Variants in MAP7 observed in about 807,000 individuals in gnomAD.
MAP7 encodes microtubule associated protein 7.
A neutral mutation model predicts 94.8 loss-of-function variants in MAP7; 52 were observed. The observed-to-expected ratio is 0.55, with a 90% CI of 0.44 to 0.69. The LOEUF is 0.69. Ranked by LOEUF, MAP7 falls within the 30% of genes least tolerant of loss-of-function variation. The probability of loss-of-function intolerance (pLI) is 0.00; values close to 1 mark genes in which losing one functional copy is unlikely to be tolerated. For missense variants in MAP7, 940 were observed against 964.6 expected (o/e 0.97, Z 0.34); for synonymous variants, 350 against 357.0 (o/e 0.98, Z 0.22).
At chr6:136,467,876 G>T (rs956682816) in intron 1 of MAP7, among the ~76,000 whole-genome samples, 2 of 152,276 alleles carry the variant, frequency 1.3e-5, no homozygotes, top group African/African-American at 4.8e-5. Flanking sequence ...AACCTGCCAA[G>T]CCCCTCTGAA....
intron 1 of MAP7, among the ~76,000 whole-genome samples, chr6:136,454,693 C>T (rs1802311924): frequency 6.6e-6 from 1 of 151,810 alleles, no homozygotes; most frequent in African/African-American, 2.4e-5. Flanking sequence ...CCACTTGAGC[C>T]CAGGAGTTCA....
chr6:136,550,378 G>A lies in MAP7; in HGVS notation c.31C>T (p.His11Tyr). MAELGAGGDG[H>Y]RGGDGAVRSE... is the part of the protein sequence containing the mutation. The stretch of plus-strand genomic sequence containing the variant: ...CGCACTGCGCCGTCGCCGCCCCTGT[G>A]GCCGTCGCCGCCAGCTCCTAGCTCC... The change falls in exon 1 of 18, where the codon CAC (histidine) becomes TAC (tyrosine). Residue 11 changes from histidine to tyrosine, a missense_variant. His to Tyr is a moderately conservative substitution (Grantham distance 83). Transcript: ENST00000354570. The surrounding 1 kb of genome is among the most constrained non-coding windows in gnomAD (Gnocchi z 5.1). 6.5e-7 allele frequency: 1 copy of A among 1,529,760 alleles called. No individual in the cohort carries two copies. Among genetic ancestry groups the A allele is most frequent in the Non-Finnish European group, 8.7e-7 (1 of 1,146,738 alleles). 94.8% of individuals were successfully genotyped at this position (1,529,760 alleles called of 1,614,324 possible).
chr6:136,355,119 G>A (rs1310608057), intron 16 of MAP7, among the ~76,000 whole-genome samples: 1 of 152,016 alleles, frequency 6.6e-6, no homozygotes, highest in African/African-American at 2.4e-5. Context: ...AGGTTGCAGT[G>A]AGCCAAGATA....
chr6:136,505,827 G>A (rs1463642097), intron 1 of MAP7, among the ~76,000 whole-genome samples: 4 of 152,102 alleles, frequency 2.6e-5, no homozygotes, highest in Non-Finnish European at 5.9e-5. Context: ...TTACTGGCAA[G>A]TAGCAAAAAT....
At chr6:136,399,365 G>T (rs947207634) in intron 3 of MAP7, among the ~76,000 whole-genome samples, 3 of 152,072 alleles carry the variant, frequency 2.0e-5, no homozygotes, top group Non-Finnish European at 4.4e-5. Context: ...TTTTTGGTGA[G>T]ACAGGGTTTT....
At position 136,377,819 on chromosome 6, in the gene MAP7, G is replaced by A. The variant is rs1444362042; in HGVS notation, c.687C>T (p.Leu229=). The A allele has an allele frequency of 5.0e-6, 8 of 1,614,010 alleles. No individual in the cohort carries two copies. The highest frequency in any genetic ancestry group is 5.1e-6 in the Non-Finnish European group (6 of 1,180,014). The change falls in exon 7 of 18, where the codon CTC becomes CTT. Residue 229 remains leucine (L), a synonymous_variant. Coordinates refer to ENST00000354570, the MANE Select transcript of MAP7 (RefSeq NM_003980.6). ...CCAGGAACGAATGTGTGGGCGTCAG[G>A]AGTCTGTTAACAACGCTGCTCTCCC... The part of the protein sequence containing the change: ...SPWESSVVNR[L]LTPTHSFLAR...
rs1794317413 is a variant in MAP7 at position 136,366,344 on chromosome 6, T to C, written c.972A>G (p.Pro324=). Residue 324 remains proline (P), a synonymous_variant, in exon 9 of 18, where the codon CCA becomes CCG. Coordinates refer to ENST00000354570, the MANE Select transcript of MAP7 (RefSeq NM_003980.6). The part of the protein sequence containing the change: ...VSPSNPKARQ[P]ARSRLWLPSK... ...TCACTTACCAAAGTCGGGAGCGAGCTGGTTGTCTTGCTTTGGGATTAGATG... is the reference window on the plus strand; with the variant it reads ...TCACTTACCAAAGTCGGGAGCGAGCCGGTTGTCTTGCTTTGGGATTAGATG... The C allele has an allele frequency of 1.2e-6, 2 of 1,613,946 alleles. No individual in the cohort carries two copies. The highest frequency in any genetic ancestry group is 2.2e-5 in the South Asian group (2 of 91,082).
chr6:136,378,005 T>C (rs1427099666), intron 6 of MAP7, 137 bp from the exon 7 acceptor site: 1 of 565,304 alleles, frequency 1.8e-6, no homozygotes, highest in Non-Finnish European at 3.2e-6. Context: ...TGGCCAAGAG[T>C]CAGGGCAACA....
intron 1 of MAP7, among the ~76,000 whole-genome samples, chr6:136,482,802 C>T (rs1460426616): frequency 6.6e-6 from 1 of 152,030 alleles, no homozygotes; most frequent in Non-Finnish European, 1.5e-5. Flanking sequence ...GATGATAGAT[C>T]GATTTGGCAG....
At chr6:136,420,941 T>A (rs577395215) in intron 2 of MAP7, among the ~76,000 whole-genome samples, 1 of 152,214 alleles carries the variant, frequency 6.6e-6, no homozygotes, top group Non-Finnish European at 1.5e-5. Flanking sequence ...CAGTCCTGGA[T>A]GCAGCATGAA....
rs1050529597 is a variant in MAP7 at position 136,530,702 on chromosome 6, AG to A, written c.67+19639del. ...CATCTTGCAGCATCATGCATAGCATAGAAGAGGCTGGATAAAGAAATACTGC... is the reference window on the plus strand; with the variant it reads ...CATCTTGCAGCATCATGCATAGCATAAAGAGGCTGGATAAAGAAATACTGC... On this transcript the variant is annotated intron_variant, in intron 1 of 17. Coordinates refer to ENST00000354570, the MANE Select transcript of MAP7 (RefSeq NM_003980.6). Among the ~76,000 whole-genome samples the A allele has an allele frequency of 8.5e-4, 123 of 145,446 alleles. 32 individuals carry two copies. Among genetic ancestry groups the A allele is most frequent in the African/African-American group, 3.4e-3 (119 of 35,360 alleles).
At chr6:136,416,295 T>A (rs1789385916) in intron 2 of MAP7, among the ~76,000 whole-genome samples, 1 of 152,200 alleles carries the variant, frequency 6.6e-6, no homozygotes, top group East Asian at 1.9e-4. Flanking sequence ...TTGTACCTGA[T>A]AACAGAGTAA....
chr6:136,362,809 G>A (rs1405136683), intron 10 of MAP7, 107 bp from the exon 11 acceptor site: 1 of 1,469,130 alleles, frequency 6.8e-7, no homozygotes, highest in Non-Finnish European at 9.0e-7. Context: ...CATTATGAAA[G>A]AAAAGGGAAT....
intron 1 of MAP7, among the ~76,000 whole-genome samples, chr6:136,492,072 G>A (rs1419398230): frequency 6.6e-6 from 1 of 152,132 alleles, no homozygotes; most frequent in Non-Finnish European, 1.5e-5. Context: ...TATAATGCAA[G>A]ACAGAGGTCC....
Position 136,366,033 on chromosome 6 carries a change from A to C in MAP7, c.990-15T>G, listed in dbSNP as rs779954958. 6.2e-7 allele frequency: 1 copy of C among 1,601,270 alleles called. No homozygotes were observed. Among genetic ancestry groups the C allele is most frequent in the Non-Finnish European group, 8.5e-7 (1 of 1,176,590 alleles). On this transcript the variant is annotated splice_polypyrimidine_tract_variant and intron_variant, in intron 9 of 17. Transcript: ENST00000354570. Reference sequence around the variant, plus strand: ...TGGACGGAAGCCTGGGCCACAAACAAACAAGGCAGACAAAAGGGGACACAT... The same window carrying C: ...TGGACGGAAGCCTGGGCCACAAACACACAAGGCAGACAAAAGGGGACACAT...
chr6:136,538,154 C>A (rs1829031346), intron 1 of MAP7, among the ~76,000 whole-genome samples: 1 of 152,108 alleles, frequency 6.6e-6, no homozygotes, highest in Non-Finnish European at 1.5e-5. Context: ...GAGAAATGTG[C>A]CTCACCCACA....
chr6:136,454,373 C>T (rs1562419285), intron 1 of MAP7, among the ~76,000 whole-genome samples: 1 of 151,908 alleles, frequency 6.6e-6, no homozygotes, highest in Non-Finnish European at 1.5e-5. Flanking sequence ...GTGGTGTGAT[C>T]ACAACTCCCT....
intron 8 of MAP7, among the ~76,000 whole-genome samples, chr6:136,367,284 T>G (rs1794579393): frequency 6.6e-6 from 1 of 151,890 alleles, no homozygotes; most frequent in African/African-American, 2.4e-5. Flanking sequence ...ATTCCAAGTA[T>G]CTGAAACCTG....
At chr6:136,387,556 C>T (rs1365601137) in intron 5 of MAP7, among the ~76,000 whole-genome samples, 2 of 152,020 alleles carry the variant, frequency 1.3e-5, no homozygotes, top group Non-Finnish European at 2.9e-5. Context: ...ATTGATGCAT[C>T]GGCCCTAGGT....
Sources: allele counts gnomAD v4.1 joint callset (sites outside exome capture counted in the v4.1 genomes callset), GRCh38; gene constraint gnomAD v4.1.1; non-coding constraint Gnocchi (gnomAD v3.1); transcripts MANE v1.5; gene names NCBI Gene and HGNC (gene_info 2026-07-23, HGNC 2026-07-21).